NRXN1: variants seen among roughly 807,000 people sequenced by gnomAD.
The protein encoded by NRXN1 is neurexin 1.
Under a neutral mutation model 150.9 loss-of-function variants are expected in NRXN1, and 39 were observed. The observed-to-expected ratio is 0.26, with a 90% CI of 0.20 to 0.34. The LOEUF (loss-of-function observed/expected upper bound fraction) is 0.34. Ranked by LOEUF, NRXN1 falls within the 10% of genes least tolerant of loss-of-function variation. NRXN1 has a pLI of 1.00. For missense variants in NRXN1, 1,815 were observed against 1,949.9 expected (o/e 0.93, Z 1.30); for synonymous variants, 924 against 757.0 (o/e 1.22, Z -3.62).
Position 50,432,894 on chromosome 2 carries a change from T to C in NRXN1, c.3364+32548A>G, listed in dbSNP as rs560395427. Among the ~76,000 whole-genome samples the C allele has an allele frequency of 3.9e-5, 6 of 152,328 alleles. No homozygotes were observed. In the South Asian group the frequency reaches 1.2e-3, roughly 32 times the overall value. ...CTTTTTGCCAGCAGAGGCTCCATTT[T>C]TGTTTATACAGTGAAGGCTTCCCAT... On this transcript the variant is annotated intron_variant, in intron 17 of 22. Transcript: ENST00000401669.
At chr2:50,382,465 G>C (rs955964071) in intron 17 of NRXN1, among the ~76,000 whole-genome samples, 2 of 152,102 alleles carry the variant, frequency 1.3e-5, no homozygotes, top group Non-Finnish European at 2.9e-5. Context: ...ATTTACACCA[G>C]TGGATACTAG....
intron 15 of NRXN1, among the ~76,000 whole-genome samples, chr2:50,486,018 T>G (rs1465242618): frequency 6.6e-6 from 1 of 152,198 alleles, no homozygotes; most frequent in Non-Finnish European, 1.5e-5. Flanking sequence ...ATGTTATGTT[T>G]TATAATATAA....
At chr2:49,972,529 A>G (rs2152497166) in intron 21 of NRXN1, 1 of 152,300 alleles carries the variant, frequency 6.6e-6, no homozygotes, top group South Asian at 2.1e-4. Flanking sequence ...AGTCTAGTAA[A>G]TAAGTTTAGT....
chr2:50,698,607 T>A (rs1693268536), intron 5 of NRXN1, among the ~76,000 whole-genome samples: 2 of 152,198 alleles, frequency 1.3e-5, no homozygotes, highest in African/African-American at 2.4e-5. Context: ...TACATATACA[T>A]AACCTATACA....
chr2:50,425,431 T>C (rs758614555), intron 17 of NRXN1, among the ~76,000 whole-genome samples: 4 of 152,188 alleles, frequency 2.6e-5, no homozygotes, highest in Non-Finnish European at 5.9e-5. Flanking sequence ...CTCCAGCTGC[T>C]AGATTTGTAA....
At chr2:50,802,991 C>A (rs1707829589) in intron 5 of NRXN1, among the ~76,000 whole-genome samples, 1 of 152,152 alleles carries the variant, frequency 6.6e-6, no homozygotes, top group South Asian at 2.1e-4. Flanking sequence ...GCCTCTACAA[C>A]TATGAAATGA....
chr2:50,716,999 C>T (rs1255610585), intron 5 of NRXN1, among the ~76,000 whole-genome samples: 1 of 152,038 alleles, frequency 6.6e-6, no homozygotes, highest in Non-Finnish European at 1.5e-5. Flanking sequence ...TAGCTCTAAA[C>T]AAAGAGTAGT....
intron 5 of NRXN1, among the ~76,000 whole-genome samples, chr2:50,749,429 C>T (rs965535747): frequency 3.3e-5 from 5 of 152,014 alleles, no homozygotes; most frequent in Non-Finnish European, 7.4e-5. Context: ...GCATCCCACG[C>T]CCTTTCCTGA....
intron 17 of NRXN1, among the ~76,000 whole-genome samples, chr2:50,319,962 CT>C (rs1334225938): frequency 6.6e-6 from 1 of 151,864 alleles, no homozygotes; most frequent in Non-Finnish European, 1.5e-5. Context: ...GACATGGCTC[CT>C]TTTTTACCCA....
intron 17 of NRXN1, among the ~76,000 whole-genome samples, chr2:50,278,563 A>C (rs2070977613): frequency 6.6e-6 from 1 of 151,668 alleles, no homozygotes. Context: ...TATTTTGTTA[A>C]TATGAACTCT....
At chr2:50,951,664 A>C (rs1346406905) in intron 2 of NRXN1, among the ~76,000 whole-genome samples, 1 of 152,064 alleles carries the variant, frequency 6.6e-6, no homozygotes, top group African/African-American at 2.4e-5. Context: ...ACACAGCTCC[A>C]TTAGTGTGCA....
At chr2:50,138,389 G>C (rs1042501215) in intron 18 of NRXN1, among the ~76,000 whole-genome samples, 12 of 152,166 alleles carry the variant, frequency 7.9e-5, no homozygotes, top group Admixed American at 6.5e-4. Flanking sequence ...AAACTGAAGA[G>C]AGAGAGATTC....
At chr2:50,718,551 C>T (rs1188130389) in intron 5 of NRXN1, among the ~76,000 whole-genome samples, 1 of 152,124 alleles carries the variant, frequency 6.6e-6, no homozygotes, top group Non-Finnish European at 1.5e-5. Flanking sequence ...CTAATGTACT[C>T]AAGTTCATAT....
At chr2:50,208,253 G>C (rs2062757926) in intron 18 of NRXN1, among the ~76,000 whole-genome samples, 2 of 152,198 alleles carry the variant, frequency 1.3e-5, no homozygotes, top group Admixed American at 1.3e-4. Flanking sequence ...TTATGTACTA[G>C]CACAATGAAC....
chr2:50,314,317 G>A (rs1189009075), intron 17 of NRXN1, among the ~76,000 whole-genome samples: 1 of 151,960 alleles, frequency 6.6e-6, no homozygotes, highest in Admixed American at 6.6e-5. Context: ...GAAAAATGAA[G>A]AGAGTCCTGC....
intron 22 of NRXN1, among the ~76,000 whole-genome samples, chr2:49,932,243 ACT>A (rs1274718882): frequency 2.6e-5 from 4 of 151,750 alleles, no homozygotes; most frequent in Non-Finnish European, 4.4e-5. Context: ...AAGGGAGGAG[ACT>A]CTGTCTCTAC....
chr2:50,201,706 C>T (rs566669623), intron 18 of NRXN1, among the ~76,000 whole-genome samples: 1 of 152,322 alleles, frequency 6.6e-6, no homozygotes, highest in South Asian at 2.1e-4. Context: ...ATTATCCTCA[C>T]TGTTTTTAAG....
intron 21 of NRXN1, among the ~76,000 whole-genome samples, chr2:50,029,650 T>A (rs1289891303): frequency 6.6e-6 from 1 of 152,146 alleles, no homozygotes; most frequent in Non-Finnish European, 1.5e-5. Context: ...CCTACTTTAC[T>A]GGCATCTTGA....
chr2:50,277,694 G>T (rs971254560), intron 17 of NRXN1, among the ~76,000 whole-genome samples: 3 of 152,028 alleles, frequency 2.0e-5, no homozygotes, highest in Non-Finnish European at 2.9e-5. Context: ...TAGCTGGACT[G>T]CTTTGGTAGC....
Sources: allele counts gnomAD v4.1 joint callset (sites outside exome capture counted in the v4.1 genomes callset), GRCh38; gene constraint gnomAD v4.1.1; transcripts MANE v1.5; gene names NCBI Gene and HGNC (gene_info 2026-07-23, HGNC 2026-07-21).